LCLAT1: variants seen among roughly 807,000 people sequenced by gnomAD.
The protein encoded by LCLAT1 is 1-AGP acyltransferase 8.
A neutral mutation model predicts 30.7 loss-of-function variants in LCLAT1; 11 were observed. That is an observed-to-expected ratio of 0.36 (90% CI 0.23 to 0.59). The LOEUF (loss-of-function observed/expected upper bound fraction) is 0.59, where lower values mean the gene tolerates loss of function less well. Among genes scored for constraint, LCLAT1 ranks in the 20% least tolerant of loss-of-function variants. LCLAT1 has a pLI of 0.77. For synonymous variants in LCLAT1, 155 were observed against 151.3 expected (o/e 1.02, Z -0.18); for missense variants, 402 against 458.6 (o/e 0.88, Z 1.13).
At chr2:30,457,954 G>A (rs866078856) in intron 1 of LCLAT1, among the ~76,000 whole-genome samples, 3 of 151,808 alleles carry the variant, frequency 2.0e-5, no homozygotes, top group African/African-American at 7.3e-5. Flanking sequence ...ATAGTACCTC[G>A]TATAACATAA....
intron 5 of LCLAT1, among the ~76,000 whole-genome samples, chr2:30,603,866 A>G (rs1240432948): frequency 6.6e-6 from 1 of 152,182 alleles, no homozygotes; most frequent in African/African-American, 2.4e-5. Flanking sequence ...TTGTACTTCT[A>G]GCAGAGAGTA....
chr2:30,491,899 A>T (rs1683851604), intron 1 of LCLAT1, among the ~76,000 whole-genome samples: 1 of 152,226 alleles, frequency 6.6e-6, no homozygotes, highest in Admixed American at 6.5e-5. Context: ...GGAATATAGG[A>T]ATTTGCTGTT....
intron 1 of LCLAT1, among the ~76,000 whole-genome samples, chr2:30,462,721 C>T (rs1041019099): frequency 1.3e-5 from 2 of 152,016 alleles, no homozygotes; most frequent in Non-Finnish European, 2.9e-5. Context: ...GGCTAGCCTG[C>T]GTGATAAGGT....
chr2:30,461,138 G>A (rs572127430), intron 1 of LCLAT1, among the ~76,000 whole-genome samples: 1 of 152,342 alleles, frequency 6.6e-6, no homozygotes, highest in South Asian at 2.1e-4. Flanking sequence ...TTGGACATTA[G>A]TGTGGATAGC....
chr2:30,581,020 A>G (rs572775562), intron 5 of LCLAT1, among the ~76,000 whole-genome samples: 1 of 152,282 alleles, frequency 6.6e-6, no homozygotes, highest in South Asian at 2.1e-4. Context: ...CTGTCAGATC[A>G]GAGGTTAGGT....
At chr2:30,523,506 C>G (rs1685571626) in intron 1 of LCLAT1, among the ~76,000 whole-genome samples, 1 of 152,140 alleles carries the variant, frequency 6.6e-6, no homozygotes, top group Non-Finnish European at 1.5e-5. Flanking sequence ...AAAGCCAGCT[C>G]TTAGTTGATA....
intron 5 of LCLAT1, among the ~76,000 whole-genome samples, chr2:30,615,520 T>TAC (rs1667955027): frequency 6.6e-6 from 1 of 152,112 alleles, no homozygotes; most frequent in African/African-American, 2.4e-5. Flanking sequence ...TGTTGAGCAG[T>TAC]ACTAAGGAGC....
At chr2:30,626,543 CT>C (rs1668519425) in intron 5 of LCLAT1, among the ~76,000 whole-genome samples, 3 of 152,090 alleles carry the variant, frequency 2.0e-5, no homozygotes, top group Admixed American at 2.0e-4. Flanking sequence ...AATACTTATG[CT>C]TTTTCCCCTC....
intron 1 of LCLAT1, among the ~76,000 whole-genome samples, chr2:30,509,053 G>T (rs969181914): frequency 3.9e-5 from 6 of 152,236 alleles, no homozygotes; most frequent in South Asian, 2.1e-4. Context: ...TTGGGTTTTT[G>T]ATTTGGCTTT....
intron 2 of LCLAT1, among the ~76,000 whole-genome samples, chr2:30,527,539 T>C (rs1462348745): frequency 6.6e-6 from 1 of 152,236 alleles, no homozygotes; most frequent in Non-Finnish European, 1.5e-5. Flanking sequence ...CTCTAATTTT[T>C]GGAGAGCGAG....
intron 5 of LCLAT1, among the ~76,000 whole-genome samples, chr2:30,632,595 C>G (rs1321373837): frequency 6.6e-6 from 1 of 152,198 alleles, no homozygotes; most frequent in African/African-American, 2.4e-5. Flanking sequence ...AATCTAAATT[C>G]ACATCAAGTG....
chr2:30,597,619 T>C (rs1666984905), intron 5 of LCLAT1, among the ~76,000 whole-genome samples: 1 of 152,146 alleles, frequency 6.6e-6, no homozygotes, highest in Admixed American at 6.5e-5. Flanking sequence ...TCTCTTCCTA[T>C]GTAGATACCC....
At chr2:30,571,628 T>A (rs1665785082) in intron 5 of LCLAT1, among the ~76,000 whole-genome samples, 2 of 152,212 alleles carry the variant, frequency 1.3e-5, no homozygotes, top group South Asian at 4.1e-4. Context: ...GGGTGGCATT[T>A]CAGTTACCCT....
At chr2:30,486,951 TC>T (rs2148320248) in intron 1 of LCLAT1, among the ~76,000 whole-genome samples, 1 of 152,364 alleles carries the variant, frequency 6.6e-6, no homozygotes, top group East Asian at 1.9e-4. Context: ...TTACTTCAGT[TC>T]CACCTACTAT....
intron 1 of LCLAT1, among the ~76,000 whole-genome samples, chr2:30,464,879 T>A (rs1337992038): frequency 6.6e-6 from 1 of 152,092 alleles, no homozygotes; most frequent in Non-Finnish European, 1.5e-5. Flanking sequence ...AAATTTTTAT[T>A]TACTTTTTGT....
rs933402688 is a variant in LCLAT1 at position 30,640,760 on chromosome 2, A to G, written c.*141A>G. ...ATTTGTTAAAGATATTTTGCACTTA[A>G]TTTTGTGGGAAAAATATTGCTACAA... On this transcript the variant is annotated 3_prime_UTR_variant, in exon 6 of 6. Coordinates refer to ENST00000379509, the MANE Select transcript of LCLAT1 (RefSeq NM_001002257.3). 633 of 1,065,162 alleles carry G rather than the reference A, an allele frequency of 5.9e-4. 3 individuals carry two copies. Among genetic ancestry groups the G allele is most frequent in the Non-Finnish European group, 1.4e-4 (108 of 762,264 alleles). 66.0% of individuals were successfully genotyped at this position (1,065,162 alleles called of 1,614,324 possible). A position where few individuals can be genotyped will look rare whatever the true frequency, so the allele number is the denominator to read the frequency against.
rs190917478 is a variant in LCLAT1, at chr2:30,635,068, T to C, written c.629-5049T>C. ...AGAGTTACATGTGGCTTTGTGGCTTTTGTGTTTGGAGATATTTACTTAATA... is the reference window on the plus strand; with the variant it reads ...AGAGTTACATGTGGCTTTGTGGCTTCTGTGTTTGGAGATATTTACTTAATA... On this transcript the variant is annotated intron_variant, in intron 5 of 5. Transcript: ENST00000379509. Among the ~76,000 whole-genome samples, 9 of 152,256 alleles carry C rather than the reference T, an allele frequency of 5.9e-5. No individual in the cohort carries two copies. The East Asian group carries it at 1.7e-3, about 29-fold the overall frequency.
At chr2:30,619,375 C>T (rs1425721765) in intron 5 of LCLAT1, among the ~76,000 whole-genome samples, 1 of 152,142 alleles carries the variant, frequency 6.6e-6, no homozygotes, top group Non-Finnish European at 1.5e-5. Flanking sequence ...TCCAGACCAC[C>T]AGATCTGCTT....
chr2:30,566,476 C>G (rs56145136), intron 4 of LCLAT1, among the ~76,000 whole-genome samples: 62 of 152,148 alleles, frequency 4.1e-4, no homozygotes, highest in Non-Finnish European at 7.8e-4. Context: ...TTGACTTGCC[C>G]GGCTCAATTC....
Sources: allele counts gnomAD v4.1 joint callset (sites outside exome capture counted in the v4.1 genomes callset), GRCh38; gene constraint gnomAD v4.1.1; transcripts MANE v1.5; gene names NCBI Gene and HGNC (gene_info 2026-07-23, HGNC 2026-07-21).